The following CNNM4 variants were observed in gnomAD, a reference collection of about 807,000 sequenced individuals.
CNNM4 encodes the protein cyclin and CBS domain divalent metal cation transport mediator 4, also known as metal transporter CNNM4.
Under a neutral mutation model 53.7 loss-of-function variants are expected in CNNM4, and 32 were observed. The observed-to-expected ratio is 0.60, with a 90% CI of 0.45 to 0.80. The LOEUF (loss-of-function observed/expected upper bound fraction) is 0.80, where lower values mean the gene tolerates loss of function less well. Ranked by LOEUF, CNNM4 falls within the 30% of genes least tolerant of loss-of-function variation. The pLI, the probability that CNNM4 is intolerant of heterozygous loss-of-function variation, is 0.00. For synonymous variants in CNNM4, 410 were observed against 440.0 expected (o/e 0.93, Z 0.85); for missense variants, 784 against 1,022.0 (o/e 0.77, Z 3.17).
chr2:96,760,996 C>T lies in CNNM4; in HGVS notation c.-4C>T. ...AGCGGCGGCGGCGGCAGAGCCAGAG[C>T]AACATGGCGCCGGTGGGCGGGGGCG... On this transcript the variant is annotated 5_prime_UTR_variant, in exon 1 of 7. Transcript: ENST00000377075. 2 of 1,133,964 alleles carry T rather than the reference C, an allele frequency of 1.8e-6. No homozygotes were observed. The highest frequency in any genetic ancestry group is 8.5e-5 in the South Asian group (2 of 23,496). 70.2% of individuals were successfully genotyped at this position (1,133,964 alleles called of 1,614,324 possible).
At position 96,793,666 on chromosome 2, in the gene CNNM4, A is replaced by C. The variant is rs62152785; in HGVS notation, c.1403-3346A>C. The stretch of plus-strand genomic sequence containing the variant: ...CATCCGCAGGAGGGCTGTTTCCACT[A>C]TAAGAGAGGCTGCCAGGCCGGGCGC... On this transcript the variant is annotated intron_variant, in intron 1 of 6. Transcript: ENST00000377075. 9.2e-5 allele frequency among the ~76,000 whole-genome samples: 14 copies of C among 152,290 alleles called. No homozygotes were observed. In the East Asian group the frequency reaches 2.5e-3, roughly 27 times the overall value.
At chr2:96,791,669 T>C (rs2079063682) in intron 1 of CNNM4, among the ~76,000 whole-genome samples, 1 of 151,978 alleles carries the variant, frequency 6.6e-6, no homozygotes, top group Non-Finnish European at 1.5e-5. Flanking sequence ...AAGTAGTCCT[T>C]AGTCAATGAA....
In CNNM4 at chr2:96,797,070, C is replaced by T. The variant is rs147804021; in HGVS notation, c.1461C>T (p.Phe487=). The change falls in exon 2 of 7, where the codon TTC becomes TTT. Residue 487 remains phenylalanine (F), a synonymous_variant. Transcript: ENST00000377075. This position sits in a 1 kb window ranked among gnomAD's most constrained non-coding sequence, Gnocchi z 6.0. ...ACAACGAGGGTGAGGGTGACCCCTT[C>T]TACGAGGTCCTGGGCCTGGTCACCC... ...KVNNEGEGDP[F]YEVLGLVTLE... is the part of the protein sequence containing the mutation. 556 of 1,614,104 alleles carry T rather than the reference C, an allele frequency of 3.4e-4. 1 individual carries two copies. The African/African-American group carries it at 6.5e-3, about 19-fold the overall frequency.
In CNNM4 at chr2:96,801,656, CCACACACA is replaced by C. The variant is rs141454994; in HGVS notation, c.1948+2019_1948+2026del. 7.0e-6 allele frequency among the ~76,000 whole-genome samples: 1 copy of C among 141,960 alleles called. No homozygotes were observed. The highest frequency in any genetic ancestry group is 1.5e-5 in the Non-Finnish European group (1 of 64,748). 93.1% of individuals were successfully genotyped at this position (141,960 alleles called of 152,430 possible). A position where few individuals can be genotyped will look rare whatever the true frequency, so the allele number is the denominator to read the frequency against. ...GAGAGACCACACACATGCAGAGAGA[CCACACACA>C]CACACACACAGAGACCACACGCAGA... is the stretch of plus-strand genomic sequence containing the variant. On this transcript the variant is annotated intron_variant, in intron 5 of 6. Transcript: ENST00000377075. The surrounding 1 kb of genome is among the most constrained non-coding windows in gnomAD (Gnocchi z 5.6).
At chr2:96,781,547 G>A (rs2078975519) in intron 1 of CNNM4, among the ~76,000 whole-genome samples, 1 of 152,334 alleles carries the variant, frequency 6.6e-6, no homozygotes, top group East Asian at 1.9e-4. Flanking sequence ...GATACACATA[G>A]GATGAGGCTT....
At chr2:96,799,786 G>A in intron 5 of CNNM4, 138 bp downstream of exon 5, 1 of 773,472 alleles carries the variant, frequency 1.3e-6, no homozygotes, top group Non-Finnish European at 2.3e-6. Flanking sequence ...TGAGGCGGGA[G>A]CCGCCAGGGC....
intron 1 of CNNM4, among the ~76,000 whole-genome samples, chr2:96,789,958 C>T (rs1425013896): frequency 1.1e-5 from 1 of 94,680 alleles, no homozygotes; most frequent in Non-Finnish European, 2.0e-5. Flanking sequence ...CCCGGCCCTC[C>T]AAAATGCTGG....
At chr2:96,776,640 G>GT (rs2078926876) in intron 1 of CNNM4, among the ~76,000 whole-genome samples, 1 of 152,054 alleles carries the variant, frequency 6.6e-6, no homozygotes, top group South Asian at 2.1e-4. Context: ...TTGAGATGGA[G>GT]TCTCGCTCTC....
Position 96,801,054 on chromosome 2 carries a change from CCTT to C in CNNM4, c.1948+1409_1948+1411del, listed in dbSNP as rs879290576. 1.7e-5 allele frequency: 17 copies of C among 984,366 alleles called. No individual in the cohort carries two copies. The highest frequency in any genetic ancestry group is 1.2e-4 in the Admixed American group (2 of 16,274). The allele number at this position is 984,366 out of a possible 1,614,324, so 61.0% of individuals were successfully genotyped here. A position where few individuals can be genotyped will look rare whatever the true frequency, so the allele number is the denominator to read the frequency against. ...GTCTCCTGACTGCGCCCATCACTGA[CCTT>C]CTCTTTTGCTCCAGTGCCTTCAGTC... On this transcript the variant is annotated intron_variant, in intron 5 of 6. Transcript: ENST00000377075. This position sits in a 1 kb window ranked among gnomAD's most constrained non-coding sequence, Gnocchi z 5.6.
At chr2:96,782,741 T>C (rs1053395906) in intron 1 of CNNM4, among the ~76,000 whole-genome samples, 30 of 152,176 alleles carry the variant, frequency 2.0e-4, no homozygotes, top group Admixed American at 6.5e-5. Flanking sequence ...CAACTGGGGT[T>C]TACTAAGGGG....
chr2:96,778,295 C>T (rs990666791), intron 1 of CNNM4, among the ~76,000 whole-genome samples: 1 of 151,648 alleles, frequency 6.6e-6, no homozygotes, highest in African/African-American at 2.4e-5. Context: ...CAGTGGCTCA[C>T]GCCTGTAATC....
At chr2:96,779,238 G>A (rs796781324) in intron 1 of CNNM4, among the ~76,000 whole-genome samples, 13 of 152,280 alleles carry the variant, frequency 8.5e-5, no homozygotes, top group African/African-American at 2.9e-4. Flanking sequence ...GATTACAGGC[G>A]TGAGCCACCG....
At chr2:96,782,937 G>T (rs1192150154) in intron 1 of CNNM4, among the ~76,000 whole-genome samples, 1 of 152,110 alleles carries the variant, frequency 6.6e-6, no homozygotes, top group Non-Finnish European at 1.5e-5. Flanking sequence ...TGGGAATGGG[G>T]GCTCACACGT....
chr2:96,768,466 A>G (rs954988310), intron 1 of CNNM4, among the ~76,000 whole-genome samples: 2 of 152,176 alleles, frequency 1.3e-5, no homozygotes, highest in Non-Finnish European at 2.9e-5. Context: ...CGTGGGGCTG[A>G]GGGAGGGCAG....
chr2:96,769,348 C>T (rs1160045202), intron 1 of CNNM4, among the ~76,000 whole-genome samples: 1 of 151,690 alleles, frequency 6.6e-6, no homozygotes, highest in Non-Finnish European at 1.5e-5. Context: ...GCAGGTGGAT[C>T]ACCTGAGGTC....
In CNNM4 at chr2:96,809,727, G is replaced by A; in HGVS notation, c.*210G>A. The A allele has an allele frequency of 5.9e-6, 3 of 505,126 alleles. No individual in the cohort carries two copies. Among genetic ancestry groups the A allele is most frequent in the Non-Finnish European group, 1.1e-5 (3 of 284,650 alleles). 31.3% of individuals were successfully genotyped at this position (505,126 alleles called of 1,614,324 possible). A position where few individuals can be genotyped will look rare whatever the true frequency, so the allele number is the denominator to read the frequency against. On this transcript the variant is annotated 3_prime_UTR_variant, in exon 7 of 7. Transcript: ENST00000377075. Reference sequence around the variant, plus strand: ...CACTGTCCAGCCCTGGATAGGGGGGGCAGTGGGCCAGCTACCGTAAGCAAA... The same window carrying A: ...CACTGTCCAGCCCTGGATAGGGGGGACAGTGGGCCAGCTACCGTAAGCAAA...
chr2:96,782,158 C>T (rs1233574367), intron 1 of CNNM4, among the ~76,000 whole-genome samples: 1 of 152,110 alleles, frequency 6.6e-6, no homozygotes, highest in Non-Finnish European at 1.5e-5. Context: ...ATTTTGGCAT[C>T]GGCCAGGCGT....
intron 5 of CNNM4, among the ~76,000 whole-genome samples, chr2:96,807,825 T>A (rs1203259134): frequency 6.6e-6 from 1 of 152,160 alleles, no homozygotes; most frequent in African/African-American, 2.4e-5. Flanking sequence ...TTAATGCATA[T>A]TTTTTATTTA....
Position 96,801,012 on chromosome 2 carries a change from C to A in CNNM4, c.1948+1364C>A. 1 of 814,388 alleles carries A rather than the reference C, an allele frequency of 1.2e-6. No homozygotes were observed. Among genetic ancestry groups the A allele is most frequent in the Non-Finnish European group, 1.5e-6 (1 of 674,050 alleles). 50.4% of individuals were successfully genotyped at this position (814,388 alleles called of 1,614,324 possible). A position where few individuals can be genotyped will look rare whatever the true frequency, so the allele number is the denominator to read the frequency against. On this transcript the variant is annotated intron_variant, in intron 5 of 6. Transcript: ENST00000377075. The surrounding 1 kb of genome is among the most constrained non-coding windows in gnomAD (Gnocchi z 5.6). ...CGTCAGGTCTGCCTCTGTCCTGTGC[C>A]TGTGGTTCCGTGTCCTGTCTCCTGA...
Sources: gnomAD v4.1 joint callset for allele counts (sites outside exome capture counted in the v4.1 genomes callset) on GRCh38, gnomAD v4.1.1 for gene constraint, Gnocchi (gnomAD v3.1) non-coding constraint, MANE v1.5 for transcripts, NCBI Gene and HGNC (gene_info 2026-07-23, HGNC 2026-07-21) for gene names.